Variants in PPP1CB observed in about 807,000 individuals in gnomAD.
PPP1CB encodes the protein protein phosphatase 1 catalytic subunit beta, also known as serine/threonine-protein phosphatase PP1-beta catalytic subunit.
In PPP1CB, 2 loss-of-function variants were observed where a neutral mutation model predicts 43.7. That is an observed-to-expected ratio of 0.05 (90% CI 0.02 to 0.14). PPP1CB has a LOEUF of 0.14. Among genes scored for constraint, PPP1CB ranks in the 10% least tolerant of loss-of-function variants. PPP1CB has a pLI of 1.00. For missense variants in PPP1CB, 84 were observed against 398.0 expected, an observed-to-expected ratio of 0.21 and a Z score of 6.71; for synonymous variants, 136 against 135.6, an observed-to-expected ratio of 1.00 and a Z score of -0.02.
At position 28,751,994 on chromosome 2, in the gene PPP1CB, A is replaced by G. The variant is rs1157327594; in HGVS notation, c.-131A>G. Reference sequence around the variant, plus strand: ...AGGGGGTGGGGGGAGGGCCCGGGAAAAGGGGGAGTTGGAGCCGGGGTCGAA... The same window carrying G: ...AGGGGGTGGGGGGAGGGCCCGGGAAGAGGGGGAGTTGGAGCCGGGGTCGAA... On this transcript the variant is annotated 5_prime_UTR_variant, in exon 1 of 8. Coordinates refer to ENST00000395366, the MANE Select transcript of PPP1CB (RefSeq NM_002709.3). 9.6e-6 allele frequency: 8 copies of G among 829,558 alleles called. No individual in the cohort carries two copies. Among genetic ancestry groups the G allele is most frequent in the Non-Finnish European group, 1.4e-5 (7 of 503,356 alleles). 51.4% of individuals were successfully genotyped at this position (829,558 alleles called of 1,614,324 possible). A position where few individuals can be genotyped will look rare whatever the true frequency, so the allele number is the denominator to read the frequency against.
At chr2:28,760,604 C>G (rs974610906) in intron 1 of PPP1CB, among the ~76,000 whole-genome samples, 2 of 152,208 alleles carry the variant, frequency 1.3e-5, no homozygotes, top group African/African-American at 2.4e-5. Context: ...GTAAATGATG[C>G]ATAACTGGAC....
chr2:28,796,479 G>A (rs927842598), intron 7 of PPP1CB, among the ~76,000 whole-genome samples: 2 of 152,170 alleles, frequency 1.3e-5, no homozygotes, highest in African/African-American at 4.8e-5. Context: ...GCAGTGCTTT[G>A]TAGTTGTAGA....
At chr2:28,778,022 G>T (rs1422222312) in intron 2 of PPP1CB, among the ~76,000 whole-genome samples, 2 of 152,196 alleles carry the variant, frequency 1.3e-5, no homozygotes, top group Non-Finnish European at 2.9e-5. Context: ...TAGTAGTTCA[G>T]AATTTGGGGG....
intron 5 of PPP1CB, among the ~76,000 whole-genome samples, chr2:28,785,064 G>GTTTTTTTTTTT (rs1558307639): frequency 1.1e-5 from 1 of 93,798 alleles, no homozygotes; most frequent in African/African-American, 4.1e-5. Flanking sequence ...TGTGTTAGGA[G>GTTTTTTTTTTT]CTTTTTTTTT....
Position 28,770,397 on chromosome 2 carries a change from G to A in PPP1CB, c.53-6454G>A, listed in dbSNP as rs1336780020. 5.8e-5 allele frequency among the ~76,000 whole-genome samples: 8 copies of A among 137,790 alleles called. No homozygotes were observed. In the East Asian group the frequency reaches 1.5e-3, roughly 26 times the overall value. The allele number at this position is 137,790 out of a possible 152,430, so 90.4% of individuals were successfully genotyped here. A position where few individuals can be genotyped will look rare whatever the true frequency, so the allele number is the denominator to read the frequency against. On this transcript the variant is annotated intron_variant, in intron 1 of 7. Transcript: ENST00000395366. ...GTAAAAAAAAGGGGGGGGGGAGGGG[G>A]GTGTGGGGGAGACGATATCATGCAC... is the stretch of plus-strand genomic sequence containing the variant.
intron 1 of PPP1CB, among the ~76,000 whole-genome samples, chr2:28,774,993 TTATATTAA>T (rs1667002518): frequency 6.6e-6 from 1 of 152,196 alleles, no homozygotes; most frequent in South Asian, 2.1e-4. Flanking sequence ...CTTTTTACTT[TTATATTAA>T]TATATTAATG....
At chr2:28,779,893 C>A (rs1667118774) in intron 3 of PPP1CB, among the ~76,000 whole-genome samples, 1 of 152,148 alleles carries the variant, frequency 6.6e-6, no homozygotes, top group Non-Finnish European at 1.5e-5. Flanking sequence ...CAGATGATCT[C>A]TGTTCTCATG....
intron 1 of PPP1CB, among the ~76,000 whole-genome samples, chr2:28,755,586 A>C (rs1666470997): frequency 6.6e-6 from 1 of 152,196 alleles, no homozygotes; most frequent in Non-Finnish European, 1.5e-5. Context: ...AGTTTGTATG[A>C]GTATTCTGGA....
chr2:28,785,168 G>A (rs1157897338), intron 5 of PPP1CB, among the ~76,000 whole-genome samples: 7 of 139,508 alleles, frequency 5.0e-5, no homozygotes, highest in Admixed American at 1.5e-4. Flanking sequence ...TCTGCATCCC[G>A]GGTTCAAGTG....
chr2:28,771,707 C>T (rs1465745492), intron 1 of PPP1CB, among the ~76,000 whole-genome samples: 1 of 152,074 alleles, frequency 6.6e-6, no homozygotes, highest in Non-Finnish European at 1.5e-5. Flanking sequence ...ACCTTTACAT[C>T]AAACCATACA....
intron 6 of PPP1CB, among the ~76,000 whole-genome samples, chr2:28,789,390 T>G (rs937304758): frequency 3.3e-5 from 5 of 151,122 alleles, no homozygotes; most frequent in African/African-American, 1.2e-4. Flanking sequence ...GTGCCTGTGG[T>G]CCCAGCTACG....
At chr2:28,758,121 C>T (rs977953467) in intron 1 of PPP1CB, among the ~76,000 whole-genome samples, 3 of 150,980 alleles carry the variant, frequency 2.0e-5, no homozygotes, top group African/African-American at 7.3e-5. Context: ...CATGGCTCAC[C>T]TGCAGCCTCA....
chr2:28,753,344 G>T (rs1173630361), intron 1 of PPP1CB, among the ~76,000 whole-genome samples: 1 of 152,282 alleles, frequency 6.6e-6, no homozygotes, highest in East Asian at 1.9e-4. Context: ...AATGGGGGAG[G>T]GGTAATTCCT....
At chr2:28,751,767 C>T (rs769260972), upstream of PPP1CB, 2 of 340,646 alleles carry the variant, frequency 5.9e-6, no homozygotes, top group Admixed American at 4.9e-5. Flanking sequence ...CGCGGCGGCG[C>T]GCAAGGGACG....
intron 1 of PPP1CB, among the ~76,000 whole-genome samples, chr2:28,771,823 T>TAAG (rs763309409): frequency 1.4e-4 from 21 of 152,142 alleles, no homozygotes; most frequent in Non-Finnish European, 3.1e-4. Flanking sequence ...ATTTCTTGAA[T>TAAG]AAGATGCAAA....
chr2:28,762,738 C>T (rs151003037), intron 1 of PPP1CB, among the ~76,000 whole-genome samples: 8 of 152,264 alleles, frequency 5.3e-5, no homozygotes, highest in African/African-American at 4.8e-5. Context: ...TTATAATACG[C>T]GTTGTTCATT....
chr2:28,788,525 A>C, intron 5 of PPP1CB, 133 bp from the exon 6 acceptor site: 2 of 943,382 alleles, frequency 2.1e-6, no homozygotes, highest in Non-Finnish European at 3.2e-6. Flanking sequence ...AGGCTGGAAT[A>C]CTTAGGCAAG....
At chr2:28,767,391 A>C (rs758620824) in intron 1 of PPP1CB, among the ~76,000 whole-genome samples, 2 of 152,162 alleles carry the variant, frequency 1.3e-5, no homozygotes, top group Non-Finnish European at 2.9e-5. Context: ...CATAATGACT[A>C]CAATGCCTTA....
chr2:28,786,558 TGAAATTATA>T (rs1667269064), intron 5 of PPP1CB, among the ~76,000 whole-genome samples: 1 of 152,060 alleles, frequency 6.6e-6, no homozygotes, highest in Non-Finnish European at 1.5e-5. Flanking sequence ...ATTGTCTCAC[TGAAATTATA>T]GATTCTTGAG....
Sources: gnomAD v4.1 joint callset for allele counts (sites outside exome capture counted in the v4.1 genomes callset) on GRCh38, gnomAD v4.1.1 for gene constraint, MANE v1.5 for transcripts, NCBI Gene and HGNC (gene_info 2026-07-23, HGNC 2026-07-21) for gene names.